Variants in ADCY5 observed in about 807,000 individuals in gnomAD.
The protein encoded by ADCY5 is adenylate cyclase type 5.
ADCY5 carries 30 observed loss-of-function variants against 119.7 expected under a neutral mutation model. The observed-to-expected ratio is 0.25, with a 90% confidence interval of 0.19 to 0.34. The LOEUF is 0.34. ADCY5 is among the 10% of genes least tolerant of loss of function. The pLI is 1.00. For synonymous variants in ADCY5, 753 were observed against 762.2 expected, an observed-to-expected ratio of 0.99 and a Z score of 0.20; for missense variants, 1,324 against 1,775.2, an observed-to-expected ratio of 0.75 and a Z score of 4.57.
At position 123,396,817 on chromosome 3, in the gene ADCY5, G is replaced by GAGA. The variant is rs1317241830; in HGVS notation, c.1135-44237_1135-44236insTCT. 9.3e-4 allele frequency among the ~76,000 whole-genome samples: 60 copies of GAGA among 64,722 alleles called. 3 individuals are homozygous for GAGA. The highest frequency in any genetic ancestry group is 3.1e-3 in the African/African-American group (55 of 17,868). The allele number at this position is 64,722 out of a possible 152,430, so 42.5% of individuals were successfully genotyped here. The stretch of plus-strand genomic sequence containing the variant: ...AGGCAGGCAGGCAGGCAGGCAGGCA[G>GAGA]GCGAGAGAGAGAGAGAGAGAGAGAG... On this transcript the variant is annotated intron_variant, in intron 1 of 20. Coordinates refer to ENST00000462833, the MANE Select transcript of ADCY5 (RefSeq NM_183357.3).
At chr3:123,384,506 A>G (rs1944151291) in intron 1 of ADCY5, among the ~76,000 whole-genome samples, 1 of 152,106 alleles carries the variant, frequency 6.6e-6, no homozygotes, top group South Asian at 2.1e-4. Context: ...CTTTATATAC[A>G]TTACCTCGGG....
In ADCY5 at chr3:123,283,807, T is replaced by G. The variant is rs988212870; in HGVS notation, c.*801A>C. The G allele has an allele frequency of 1.3e-5, 2 of 152,132 alleles. No individual in the cohort carries two copies. Among genetic ancestry groups the G allele is most frequent in the African/African-American group, 4.8e-5 (2 of 41,414 alleles). 9.4% of individuals were successfully genotyped at this position (152,132 alleles called of 1,614,324 possible). ...TATCTATCTGTGAGATCTCCAAGGC[T>G]TTCAATAATACAAAATAAAAAATAC... On this transcript the variant is annotated 3_prime_UTR_variant, in exon 21 of 21. Coordinates refer to ENST00000462833, the MANE Select transcript of ADCY5 (RefSeq NM_183357.3).
chr3:123,324,420 ACACACAC>A (rs1280060206), intron 8 of ADCY5, among the ~76,000 whole-genome samples: 1 of 62,446 alleles, frequency 1.6e-5, no homozygotes, highest in Non-Finnish European at 2.8e-5. Context: ...ACACACACAC[ACACACAC>A]ACACACACAC....
At chr3:123,382,774 TG>T (rs1433519424) in intron 1 of ADCY5, among the ~76,000 whole-genome samples, 1 of 152,142 alleles carries the variant, frequency 6.6e-6, no homozygotes, top group Non-Finnish European at 1.5e-5. Context: ...ATGGAGTTGG[TG>T]TTTAATGGGT....
At chr3:123,425,511 G>T (rs1576689001) in intron 1 of ADCY5, among the ~76,000 whole-genome samples, 1 of 152,208 alleles carries the variant, frequency 6.6e-6, no homozygotes, top group Admixed American at 6.5e-5. Context: ...GTTACAGAAG[G>T]AAGTACATCT....
chr3:123,328,584 T>C lies in ADCY5; in HGVS notation c.1805+60A>G. 3.5e-6 allele frequency: 5 copies of C among 1,435,474 alleles called. No individual in the cohort carries two copies. In the South Asian group the frequency reaches 4.7e-5, roughly 13 times the overall value. The allele number at this position is 1,435,474 out of a possible 1,614,324, so 88.9% of individuals were successfully genotyped here. ...CCTCGCCTCTGCAGGATGGTCACCC[T>C]GGGTGGGCTTGAGTGGGAACCCAGG... On this transcript the variant is annotated intron_variant, in intron 6 of 20. Coordinates refer to ENST00000462833, the MANE Select transcript of ADCY5 (RefSeq NM_183357.3).
At chr3:123,403,481 C>T (rs1205390605) in intron 1 of ADCY5, among the ~76,000 whole-genome samples, 3 of 152,080 alleles carry the variant, frequency 2.0e-5, no homozygotes, top group Non-Finnish European at 2.9e-5. Flanking sequence ...GCCTGTGTTG[C>T]CTGGGCCTGC....
Position 123,354,578 on chromosome 3 carries a change from A to G in ADCY5, c.1135-1997T>C, listed in dbSNP as rs191275780. 2.2e-3 allele frequency among the ~76,000 whole-genome samples: 334 copies of G among 152,298 alleles called. 1 individual carries two copies. Among genetic ancestry groups the G allele is most frequent in the African/African-American group, 6.8e-3 (283 of 41,564 alleles). On this transcript the variant is annotated intron_variant, in intron 1 of 20. Transcript: ENST00000462833. The stretch of plus-strand genomic sequence containing the variant: ...TAAGGAGGAAGAGATGAGGAAGTGA[A>G]GGCTGAGGGGTAGGCCACAGGGAAT...
chr3:123,446,038 T>C (rs1945806782), intron 1 of ADCY5, among the ~76,000 whole-genome samples: 1 of 152,100 alleles, frequency 6.6e-6, no homozygotes, highest in African/African-American at 2.4e-5. Context: ...CAGAGGACGT[T>C]AGAAGTGGAA....
rs1010752962 is a variant in ADCY5, at chr3:123,328,527, G to C, written c.1805+117C>G. 1.3e-5 allele frequency: 17 copies of C among 1,262,944 alleles called. No individual in the cohort carries two copies. In the African/African-American group the frequency reaches 2.1e-4, roughly 15 times the overall value. The allele number at this position is 1,262,944 out of a possible 1,614,324, so 78.2% of individuals were successfully genotyped here. A position where few individuals can be genotyped will look rare whatever the true frequency, so the allele number is the denominator to read the frequency against. On this transcript the variant is annotated intron_variant, in intron 6 of 20. Transcript: ENST00000462833. ...CACCCCAGCGCCCCCACAGGTGCTT[G>C]CTGCCCATCCTGCCCACCCCACCCT...
At chr3:123,446,507 A>C (rs1267720688) in intron 1 of ADCY5, among the ~76,000 whole-genome samples, 1 of 152,188 alleles carries the variant, frequency 6.6e-6, no homozygotes, top group East Asian at 1.9e-4. Flanking sequence ...ACAGGACACT[A>C]AAGGGAGATA....
chr3:123,364,528 G>A (rs1202232171), intron 1 of ADCY5, among the ~76,000 whole-genome samples: 1 of 152,080 alleles, frequency 6.6e-6, no homozygotes, highest in Non-Finnish European at 1.5e-5. Context: ...GAAGAGTCCA[G>A]GGCTACACTG....
In ADCY5 at chr3:123,435,870, T is replaced by C. The variant is rs1017718740; in HGVS notation, c.1134+11542A>G. On this transcript the variant is annotated intron_variant, in intron 1 of 20. Coordinates refer to ENST00000462833, the MANE Select transcript of ADCY5 (RefSeq NM_183357.3). Reference sequence around the variant, plus strand: ...AGCCCTTTTATTATTATTATTATTATTATTATTATTATTATTATTATTATT... The same window carrying C: ...AGCCCTTTTATTATTATTATTATTACTATTATTATTATTATTATTATTATT... 2.1e-5 allele frequency among the ~76,000 whole-genome samples: 3 copies of C among 143,642 alleles called. No individual in the cohort carries two copies. In the South Asian group the frequency reaches 6.8e-4, roughly 33 times the overall value. 94.2% of individuals were successfully genotyped at this position (143,642 alleles called of 152,430 possible).
At chr3:123,420,775 A>G (rs1021900844) in intron 1 of ADCY5, among the ~76,000 whole-genome samples, 3 of 152,218 alleles carry the variant, frequency 2.0e-5, no homozygotes, top group Non-Finnish European at 4.4e-5. Flanking sequence ...TCAGTGGCAT[A>G]AACAACGGAA....
chr3:123,391,802 T>G (rs1385066779), intron 1 of ADCY5, among the ~76,000 whole-genome samples: 1 of 152,180 alleles, frequency 6.6e-6, no homozygotes, highest in African/African-American at 2.4e-5. Context: ...TCTGAATGAC[T>G]GCCCTGCAGG....
At chr3:123,370,279 T>C (rs771102004) in intron 1 of ADCY5, among the ~76,000 whole-genome samples, 4 of 152,238 alleles carry the variant, frequency 2.6e-5, no homozygotes, top group Non-Finnish European at 4.4e-5. Flanking sequence ...TTAACCGTTT[T>C]ATTTAAAAAT....
chr3:123,378,084 A>C (rs17360897), intron 1 of ADCY5, among the ~76,000 whole-genome samples: 27,388 of 152,224 alleles, frequency 0.18, 2,856 homozygotes, highest in Middle Eastern at 0.25. Context: ...AAAGCTAATA[A>C]CCAGCTCAGG....
At chr3:123,400,313 G>A (rs747256085) in intron 1 of ADCY5, among the ~76,000 whole-genome samples, 6 of 152,174 alleles carry the variant, frequency 3.9e-5, no homozygotes, top group African/African-American at 7.2e-5. Flanking sequence ...GACCAGCACC[G>A]CTTGCCCTTC....
At chr3:123,375,330 G>A (rs942680412) in intron 1 of ADCY5, among the ~76,000 whole-genome samples, 16 of 152,354 alleles carry the variant, frequency 1.1e-4, no homozygotes, top group African/African-American at 2.6e-4. Flanking sequence ...CTCAGTGGAC[G>A]ACAAACAGAG....
Sources: allele counts gnomAD v4.1 joint callset (sites outside exome capture counted in the v4.1 genomes callset), GRCh38; gene constraint gnomAD v4.1.1; transcripts MANE v1.5; gene names NCBI Gene and HGNC (gene_info 2026-07-23, HGNC 2026-07-21).